The following ARL5B variants were observed in gnomAD, a reference collection of about 807,000 sequenced individuals.
The protein encoded by ARL5B is ARF like GTPase 5B, also known as ADP-ribosylation factor-like protein 5B.
ARL5B carries 10 observed loss-of-function variants against 26.9 expected under a neutral mutation model. The ratio of observed to expected loss-of-function variants is 0.37; its 90% CI spans 0.23 to 0.63. ARL5B has a LOEUF of 0.63. ARL5B is among the 30% of genes least tolerant of loss of function. ARL5B has a pLI of 0.62. For missense variants in ARL5B, 167 were observed against 213.9 expected, an observed-to-expected ratio of 0.78 and a Z score of 1.37; for synonymous variants, 87 against 70.4, an observed-to-expected ratio of 1.24 and a Z score of -1.18.
rs955116206 is a variant in ARL5B at position 18,676,556 on chromosome 10, G to A, written c.*1340G>A. On this transcript the variant is annotated 3_prime_UTR_variant, in exon 6 of 6. Transcript: ENST00000377275. Reference sequence around the variant, plus strand: ...AGAGGAAAGACAAGTGTCGTATTTCGATCCTGTTTATTCAAATGTGTGATT... The same window carrying A: ...AGAGGAAAGACAAGTGTCGTATTTCAATCCTGTTTATTCAAATGTGTGATT... The A allele has an allele frequency of 4.0e-5, 6 of 151,816 alleles. No homozygotes were observed. Among genetic ancestry groups the A allele is most frequent in the African/African-American group, 7.3e-5 (3 of 41,366 alleles). The allele number at this position is 151,816 out of a possible 1,614,324, so 9.4% of individuals were successfully genotyped here.
intron 5 of ARL5B, among the ~76,000 whole-genome samples, chr10:18,674,846 G>A (rs541414475): frequency 6.6e-6 from 1 of 152,148 alleles, no homozygotes; most frequent in African/African-American, 2.4e-5. Context: ...AGGATAAGGT[G>A]AAGTTGCTAT....
intron 1 of ARL5B, among the ~76,000 whole-genome samples, chr10:18,663,627 C>T (rs183242798): frequency 6.7e-4 from 95 of 141,744 alleles, no homozygotes; most frequent in Admixed American, 1.2e-3. Context: ...CGGCTCACTG[C>T]AAGCTCTGCC....
intron 1 of ARL5B, among the ~76,000 whole-genome samples, chr10:18,665,828 T>G (rs2059859102): frequency 6.6e-6 from 1 of 152,374 alleles, no homozygotes; most frequent in South Asian, 2.1e-4. Flanking sequence ...GGTTGTTTTC[T>G]GTATTCAAAG....
At chr10:18,664,464 G>A (rs1007598836) in intron 1 of ARL5B, among the ~76,000 whole-genome samples, 11 of 121,436 alleles carry the variant, frequency 9.1e-5, no homozygotes, top group Non-Finnish European at 3.3e-5. Flanking sequence ...TTGAGATGGA[G>A]TCTCGCTCTG....
Position 18,659,623 on chromosome 10 carries a change from G to A in ARL5B, c.-15G>A, listed in dbSNP as rs543052596. On this transcript the variant is annotated 5_prime_UTR_variant, in exon 1 of 6. Coordinates refer to ENST00000377275, the MANE Select transcript of ARL5B (RefSeq NM_178815.5). ...CTGCTGCCGAGGGACCCCGCGGCCCGCCCCGGTGCTCGTGATGGGGCTGAT... is the reference window on the plus strand; with the variant it reads ...CTGCTGCCGAGGGACCCCGCGGCCCACCCCGGTGCTCGTGATGGGGCTGAT... 3 of 1,607,592 alleles carry A rather than the reference G, an allele frequency of 1.9e-6. No homozygotes were observed. In the East Asian group the frequency reaches 6.8e-5, roughly 36 times the overall value.
At position 18,675,149 on chromosome 10, in the gene ARL5B, ACTT is replaced by A. The variant is rs748957480; in HGVS notation, c.492-16_492-14del. The A allele has an allele frequency of 2.5e-6, 4 of 1,609,046 alleles. No individual in the cohort carries two copies. The African/African-American group carries it at 5.4e-5, about 22-fold the overall frequency. ...AAGTATAAGGTTTTTAATTAAAAAT[ACTT>A]CTATCTTTTGTTTAGGTTATGCCAA... On this transcript the variant is annotated splice_polypyrimidine_tract_variant and intron_variant, in intron 5 of 5. Coordinates refer to ENST00000377275, the MANE Select transcript of ARL5B (RefSeq NM_178815.5).
chr10:18,674,258 CT>C, intron 5 of ARL5B, 123 bp downstream of exon 5: 1 of 874,836 alleles, frequency 1.1e-6, no homozygotes, highest in Non-Finnish European at 1.6e-6. Context: ...TTAAAGGTGA[CT>C]TTTATAATGT....
chr10:18,673,441 T>G (rs1050434322), intron 4 of ARL5B, among the ~76,000 whole-genome samples: 1 of 152,182 alleles, frequency 6.6e-6, no homozygotes, highest in African/African-American at 2.4e-5. Flanking sequence ...TTGTGACTTA[T>G]CCATGATAAT....
At chr10:18,664,336 C>T (rs35168277) in intron 1 of ARL5B, among the ~76,000 whole-genome samples, 1 of 151,762 alleles carries the variant, frequency 6.6e-6, no homozygotes, top group Non-Finnish European at 1.5e-5. Flanking sequence ...ATCACTTCTC[C>T]TTGGCCTCCC....
rs1291196989 is a variant in ARL5B, at chr10:18,659,444, CAAA to C, written c.-193_-191del. On this transcript the variant is annotated 5_prime_UTR_variant, in exon 1 of 6. Coordinates refer to ENST00000377275, the MANE Select transcript of ARL5B (RefSeq NM_178815.5). ...GGCGTTGGGCTCAGTGGGCTCGAAA[CAAA>C]GGGCTGTCCGGTGGGGATTCGTCGC... 1 of 683,226 alleles carries C rather than the reference CAAA, an allele frequency of 1.5e-6. No homozygotes were observed. Among genetic ancestry groups the C allele is most frequent in the Non-Finnish European group, 2.3e-6 (1 of 435,324 alleles). The allele number at this position is 683,226 out of a possible 1,614,324, so 42.3% of individuals were successfully genotyped here.
In ARL5B at chr10:18,669,994, C is replaced by CAA. The variant is rs1210060603; in HGVS notation, c.255+1336_255+1337dup. 4.6e-3 allele frequency among the ~76,000 whole-genome samples: 298 copies of CAA among 65,086 alleles called. 2 individuals carry two copies. The highest frequency in any genetic ancestry group is 0.028 in the Middle Eastern group (2 of 72). The allele number at this position is 65,086 out of a possible 152,430, so 42.7% of individuals were successfully genotyped here. ...GGGTGACAAAACGAGACTCTTATCT[C>CAA]AAAAAAAAAAAAAAAAAAAATTGGA... On this transcript the variant is annotated intron_variant, in intron 3 of 5. Coordinates refer to ENST00000377275, the MANE Select transcript of ARL5B (RefSeq NM_178815.5).
At chr10:18,660,936 A>G (rs2059831858) in intron 1 of ARL5B, among the ~76,000 whole-genome samples, 1 of 152,072 alleles carries the variant, frequency 6.6e-6, no homozygotes, top group Non-Finnish European at 1.5e-5. Flanking sequence ...CAACCTCTGC[A>G]TCCTGGGTTC....
In ARL5B at chr10:18,675,155, A is replaced by G. The variant is rs886651761; in HGVS notation, c.492-13A>G. Reference sequence around the variant, plus strand: ...AAGGTTTTTAATTAAAAATACTTCTATCTTTTGTTTAGGTTATGCCAAGGT... The same window carrying G: ...AAGGTTTTTAATTAAAAATACTTCTGTCTTTTGTTTAGGTTATGCCAAGGT... On this transcript the variant is annotated splice_polypyrimidine_tract_variant and intron_variant, in intron 5 of 5. Coordinates refer to ENST00000377275, the MANE Select transcript of ARL5B (RefSeq NM_178815.5). 1.4e-5 allele frequency: 23 copies of G among 1,610,616 alleles called. No individual in the cohort carries two copies. Among genetic ancestry groups the G allele is most frequent in the Non-Finnish European group, 1.9e-5 (22 of 1,177,812 alleles).
In ARL5B at chr10:18,681,540, T is replaced by A. The variant is rs1045367973; in HGVS notation, c.*6324T>A. On this transcript the variant is annotated 3_prime_UTR_variant, in exon 6 of 6. Transcript: ENST00000377275. Reference sequence around the variant, plus strand: ...CTGGAATGTTCATCTTTTAGACAGGTTTTGGCTCATTTCCAATCATGGTGC... The same window carrying A: ...CTGGAATGTTCATCTTTTAGACAGGATTTGGCTCATTTCCAATCATGGTGC... The A allele has an allele frequency of 6.6e-6, 1 of 152,214 alleles. No homozygotes were observed. Among genetic ancestry groups the A allele is most frequent in the African/African-American group, 2.4e-5 (1 of 41,468 alleles). The allele number at this position is 152,214 out of a possible 1,614,324, so 9.4% of individuals were successfully genotyped here.
intron 1 of ARL5B, among the ~76,000 whole-genome samples, chr10:18,664,143 G>A (rs1021540975): frequency 8.6e-5 from 13 of 150,780 alleles, no homozygotes; most frequent in African/African-American, 2.4e-4. Flanking sequence ...TAGTAGAGAC[G>A]GAGTTTCACC....
At chr10:18,671,314 A>G (rs1170465942) in intron 3 of ARL5B, among the ~76,000 whole-genome samples, 1 of 152,092 alleles carries the variant, frequency 6.6e-6, no homozygotes. Context: ...CAGGGACTAC[A>G]GTACACACCA....
chr10:18,674,923 C>A (rs867148173), intron 5 of ARL5B, among the ~76,000 whole-genome samples: 2 of 152,014 alleles, frequency 1.3e-5, no homozygotes, highest in Non-Finnish European at 2.9e-5. Flanking sequence ...CTCTTCATGG[C>A]AAAACTGGCA....
Position 18,675,570 on chromosome 10 carries a change from C to G in ARL5B, c.*354C>G, listed in dbSNP as rs147084208. 5.6e-4 allele frequency: 117 copies of G among 208,838 alleles called. No homozygotes were observed. The highest frequency in any genetic ancestry group is 4.2e-3 in the South Asian group (50 of 11,952). 12.9% of individuals were successfully genotyped at this position (208,838 alleles called of 1,614,324 possible). A position where few individuals can be genotyped will look rare whatever the true frequency, so the allele number is the denominator to read the frequency against. On this transcript the variant is annotated 3_prime_UTR_variant, in exon 6 of 6. Coordinates refer to ENST00000377275, the MANE Select transcript of ARL5B (RefSeq NM_178815.5). ...TGACCAATTGCTTTCAATTCTTGAC[C>G]AGCACTCCCTCCCAACCAGAGAATT...
chr10:18,680,620 T>A lies in ARL5B; in HGVS notation c.*5404T>A, dbSNP rs908962781. 1.3e-5 allele frequency: 2 copies of A among 152,140 alleles called. No homozygotes were observed. The highest frequency in any genetic ancestry group is 4.8e-5 in the African/African-American group (2 of 41,454). 9.4% of individuals were successfully genotyped at this position (152,140 alleles called of 1,614,324 possible). A position where few individuals can be genotyped will look rare whatever the true frequency, so the allele number is the denominator to read the frequency against. Reference sequence around the variant, plus strand: ...GGACTCTGAAGCCCCTATTTTATTCTCTTGGAGTAAACTGTTGAGTGTAGT... The same window carrying A: ...GGACTCTGAAGCCCCTATTTTATTCACTTGGAGTAAACTGTTGAGTGTAGT... On this transcript the variant is annotated 3_prime_UTR_variant, in exon 6 of 6. Transcript: ENST00000377275.
Sources: allele counts gnomAD v4.1 joint callset (sites outside exome capture counted in the v4.1 genomes callset), GRCh38; gene constraint gnomAD v4.1.1; transcripts MANE v1.5; gene names NCBI Gene and HGNC (gene_info 2026-07-23, HGNC 2026-07-21).